OR3A2: variants seen among roughly 807,000 people sequenced by gnomAD.
The protein encoded by OR3A2 is olfactory receptor family 3 subfamily A member 2.
For synonymous variants in OR3A2, 126 were observed against 159.3 expected (o/e 0.79, Z 1.57); for missense variants, 318 against 392.8 (o/e 0.81, Z 1.61).
intron 2 of OR3A2, among the ~76,000 whole-genome samples, chr17:3,337,051 T>G (rs977178881): frequency 6.6e-6 from 1 of 152,214 alleles, no homozygotes; most frequent in Non-Finnish European, 1.5e-5. Context: ...TACCTCTTTC[T>G]GCTTCCAAAC....
chr17:3,307,837 T>G (rs144908142), intron 3 of OR3A2, among the ~76,000 whole-genome samples: 22 of 152,202 alleles, frequency 1.4e-4, no homozygotes, highest in African/African-American at 5.1e-4. Context: ...TCTGGCCTCC[T>G]CCCAGCCCCA....
intron 2 of OR3A2, among the ~76,000 whole-genome samples, chr17:3,379,174 C>A (rs1053194339): frequency 2.0e-5 from 3 of 152,096 alleles, no homozygotes; most frequent in African/African-American, 7.2e-5. Context: ...ACTATCAGTT[C>A]CACAAGAACT....
At chr17:3,378,237 C>G (rs1192754542) in intron 2 of OR3A2, among the ~76,000 whole-genome samples, 1 of 152,224 alleles carries the variant, frequency 6.6e-6, no homozygotes, top group Non-Finnish European at 1.5e-5. Context: ...CCAAGCTGCC[C>G]TCACACCGCC....
chr17:3,375,686 T>C (rs1251427556), intron 2 of OR3A2, among the ~76,000 whole-genome samples: 1 of 152,202 alleles, frequency 6.6e-6, no homozygotes, highest in African/African-American at 2.4e-5. Flanking sequence ...TTTGCTATAT[T>C]ACCAGAATTA....
intron 1 of OR3A2, among the ~76,000 whole-genome samples, chr17:3,280,159 C>T (rs1334906997): frequency 1.3e-5 from 2 of 152,208 alleles, no homozygotes; most frequent in Non-Finnish European, 2.9e-5. Context: ...TGCACAGTCA[C>T]TGTCCTTCCC....
chr17:3,291,151 C>T (rs1275404703), intron 3 of OR3A2: 1 of 152,912 alleles, frequency 6.5e-6, no homozygotes, highest in Non-Finnish European at 1.5e-5. Context: ...GTTTTTGTTT[C>T]TTTTTGTTTT....
upstream of OR3A2, chr17:3,284,431 T>G (rs1443682443): frequency 6.6e-6 from 1 of 151,718 alleles, no homozygotes; most frequent in Non-Finnish European, 1.5e-5. Context: ...CCCGTTATCC[T>G]CCCGGAGAGC....
rs1242974334 is a variant in OR3A2, at chr17:3,354,804, G to A, written c.-178-18678C>T. Among the ~76,000 whole-genome samples, 2 of 150,670 alleles carry A rather than the reference G, an allele frequency of 1.3e-5. 1 individual carries two copies. The highest frequency in any genetic ancestry group is 4.9e-5 in the African/African-American group (2 of 40,682). ...ACCTCCCTTCTTTTACTAATTTTGG[G>A]GTAGGTTTGCTCTTGCTTTTCTTGT... is the stretch of plus-strand genomic sequence containing the variant. On this transcript the variant is annotated intron_variant, in intron 2 of 4. Transcript: ENST00000573491.
intron 3 of OR3A2, among the ~76,000 whole-genome samples, chr17:3,313,516 T>C (rs2049060008): frequency 6.6e-6 from 1 of 152,232 alleles, no homozygotes; most frequent in Non-Finnish European, 1.5e-5. Context: ...CTGCTCAGTG[T>C]CATTTCATCT....
intron 3 of OR3A2, among the ~76,000 whole-genome samples, chr17:3,317,121 G>C (rs73979524): frequency 0.01 from 1,535 of 152,320 alleles, 26 homozygotes; most frequent in African/African-American, 0.034. Flanking sequence ...TATTTATACA[G>C]TGGATCAGAT....
At chr17:3,346,136 C>T (rs1356719246) in intron 2 of OR3A2, among the ~76,000 whole-genome samples, 1 of 152,156 alleles carries the variant, frequency 6.6e-6, no homozygotes, top group African/African-American at 2.4e-5. Flanking sequence ...CAGGACAGGA[C>T]ATTTCACTTA....
intron 2 of OR3A2, among the ~76,000 whole-genome samples, chr17:3,336,801 T>TA (rs1288363806): frequency 6.6e-6 from 1 of 152,140 alleles, no homozygotes; most frequent in African/African-American, 2.4e-5. Context: ...TATCATTTTT[T>TA]AAAAAAACTT....
chr17:3,296,534 T>A (rs1257986580), intron 3 of OR3A2, among the ~76,000 whole-genome samples: 1 of 152,126 alleles, frequency 6.6e-6, no homozygotes, highest in African/African-American at 2.4e-5. Flanking sequence ...CATAAACTTG[T>A]TAAATTTTTT....
chr17:3,375,230 CTT>C lies in OR3A2; in HGVS notation c.-179+8572_-179+8573del, dbSNP rs557025875. On this transcript the variant is annotated intron_variant, in intron 2 of 4. Coordinates refer to the OR3A2 transcript ENST00000573491. The stretch of plus-strand genomic sequence containing the variant: ...GAGAGATTTCTTCCTTTTTTTTTTT[CTT>C]TTTTTTTTTTTTTCCCCCCCTTTTT... 0.021 allele frequency among the ~76,000 whole-genome samples: 192 copies of C among 9,352 alleles called. 17 individuals carry two copies. The East Asian group carries it at 0.21, about 10-fold the overall frequency. The allele number at this position is 9,352 out of a possible 152,430, so 6.1% of individuals were successfully genotyped here.
At position 3,355,428 on chromosome 17, in the gene OR3A2, TTCTCTCTCTC is replaced by T. The variant is rs3037631; in HGVS notation, c.-178-19312_-178-19303del. 4.9e-3 allele frequency among the ~76,000 whole-genome samples: 687 copies of T among 139,658 alleles called. 22 individuals are homozygous for T. The highest frequency in any genetic ancestry group is 0.018 in the African/African-American group (614 of 34,534). The allele number at this position is 139,658 out of a possible 152,430, so 91.6% of individuals were successfully genotyped here. On this transcript the variant is annotated intron_variant, in intron 2 of 4. Transcript: ENST00000573491. ...TCTCCCACTATTATCATGTTGGCAT[TTCTCTCTCTC>T]TCTCTCTCTCTCTCTCTCTCTCTTT...
chr17:3,354,329 T>C (rs1468283876), intron 2 of OR3A2, among the ~76,000 whole-genome samples: 1 of 151,350 alleles, frequency 6.6e-6, no homozygotes, highest in Non-Finnish European at 1.5e-5. Flanking sequence ...TTCCTCTTTT[T>C]TGAGAAAGGT....
At chr17:3,346,180 C>A (rs2049362426) in intron 2 of OR3A2, among the ~76,000 whole-genome samples, 1 of 152,284 alleles carries the variant, frequency 6.6e-6, no homozygotes, top group South Asian at 2.1e-4. Flanking sequence ...CATGTTGTCA[C>A]AAATGACAGG....
chr17:3,325,184 G>C (rs1283794785), intron 3 of OR3A2, among the ~76,000 whole-genome samples: 1 of 143,908 alleles, frequency 6.9e-6, no homozygotes, highest in Non-Finnish European at 1.5e-5. Context: ...TCTACAGCTT[G>C]TGTTCAAAGA....
chr17:3,333,152 G>A (rs888606293), intron 3 of OR3A2, among the ~76,000 whole-genome samples: 3 of 152,134 alleles, frequency 2.0e-5, no homozygotes, highest in Non-Finnish European at 2.9e-5. Flanking sequence ...TGCATTCCTG[G>A]GTGGAGGTCT....
Sources: gnomAD v4.1 joint callset for allele counts (sites outside exome capture counted in the v4.1 genomes callset) on GRCh38, gnomAD v4.1.1 for gene constraint, MANE v1.5 for transcripts, NCBI Gene and HGNC (gene_info 2026-07-23, HGNC 2026-07-21) for gene names.